The following MCC variants were observed in gnomAD, a reference collection of about 807,000 sequenced individuals.
MCC encodes the protein MCC regulator of Wnt signaling pathway.
In MCC, 90 loss-of-function variants were observed where a neutral mutation model predicts 116.2. That is an observed-to-expected ratio of 0.77 (90% CI 0.65 to 0.92). MCC has a LOEUF of 0.92. Among genes scored for constraint, MCC ranks in the 40% least tolerant of loss-of-function variants. MCC has a pLI of 0.00. For missense variants in MCC, 1,516 were observed against 1,312.2 expected (o/e 1.16, Z -2.40); for synonymous variants, 578 against 510.5 (o/e 1.13, Z -1.78).
At chr5:113,286,769 T>C (rs887029004) in intron 3 of MCC, among the ~76,000 whole-genome samples, 3 of 152,240 alleles carry the variant, frequency 2.0e-5, no homozygotes, top group Non-Finnish European at 4.4e-5. Flanking sequence ...AGGTTTAAGG[T>C]CTTTGCTGAA....
chr5:113,169,305 A>C lies in MCC; in HGVS notation c.628-17883T>G, dbSNP rs185170413. 3.8e-4 allele frequency among the ~76,000 whole-genome samples: 58 copies of C among 152,210 alleles called. 1 individual carries two copies. The highest frequency in any genetic ancestry group is 6.3e-4 in the Non-Finnish European group (43 of 68,004). ...GAAACCCAGAAGGAGAAAGGAAAAT[A>C]ATAATAAGCAAATTAACATTATAGG... On this transcript the variant is annotated intron_variant, in intron 3 of 18. Coordinates refer to ENST00000408903, the MANE Select transcript of MCC (RefSeq NM_001085377.2).
chr5:113,425,835 C>G (rs919349717), intron 1 of MCC, among the ~76,000 whole-genome samples: 2 of 151,848 alleles, frequency 1.3e-5, no homozygotes, highest in African/African-American at 4.8e-5. Flanking sequence ...CCATGTATAA[C>G]CTCGTTCACC....
At chr5:113,288,433 T>G (rs1766346359) in intron 3 of MCC, among the ~76,000 whole-genome samples, 1 of 150,532 alleles carries the variant, frequency 6.6e-6, no homozygotes, top group Non-Finnish European at 1.5e-5. Flanking sequence ...TTCCTTGCAG[T>G]GAAAAAAAAT....
chr5:113,446,401 A>C (rs1175707464), intron 1 of MCC, among the ~76,000 whole-genome samples: 1 of 143,484 alleles, frequency 7.0e-6, no homozygotes, highest in African/African-American at 2.4e-5. Context: ...ATCAACAAGC[A>C]AAAAATATAT....
At chr5:113,312,575 A>G (rs1301928455) in intron 3 of MCC, among the ~76,000 whole-genome samples, 2 of 152,202 alleles carry the variant, frequency 1.3e-5, no homozygotes, top group Non-Finnish European at 2.9e-5. Context: ...TAAAGAAGAG[A>G]ATGCAAAGAA....
chr5:113,184,624 A>G (rs1761806818), intron 3 of MCC, among the ~76,000 whole-genome samples: 1 of 151,914 alleles, frequency 6.6e-6, no homozygotes, highest in Non-Finnish European at 1.5e-5. Flanking sequence ...AACCACGCCC[A>G]GCTTATAGCA....
intron 3 of MCC, among the ~76,000 whole-genome samples, chr5:113,227,020 G>A (rs1189076351): frequency 6.6e-6 from 1 of 152,216 alleles, no homozygotes; most frequent in Non-Finnish European, 1.5e-5. Context: ...ATAAGGCAAT[G>A]CAGTTATGAC....
intron 1 of MCC, chr5:113,433,981 C>G (rs376961614): frequency 1.1e-5 from 17 of 1,613,932 alleles, no homozygotes; most frequent in Non-Finnish European, 1.4e-5. Context: ...CTCTCCCCCT[C>G]CTTGTTGATG....
intron 6 of MCC, among the ~76,000 whole-genome samples, chr5:113,110,530 A>G (rs1197873752): frequency 6.6e-6 from 1 of 152,232 alleles, no homozygotes; most frequent in Non-Finnish European, 1.5e-5. Flanking sequence ...TTTCACACAT[A>G]TGTGGATTTC....
chr5:113,101,774 C>T lies in MCC; in HGVS notation c.1363G>A (p.Ala455Thr), dbSNP rs1302498716. The stretch of plus-strand genomic sequence containing the variant: ...AGCCGGTCCCGCTCTTCCCGGATGG[C>T]ATTCATGGTGGCCTTAGTCCGGTTC... ...ELNRTKATMN[A>T]IREERDRLRR... is the part of the protein sequence containing the mutation. The change falls in exon 8 of 19, where the codon GCC (alanine) becomes ACC (threonine). Residue 455 changes from alanine (A) to threonine (T), a missense_variant. By Grantham distance (58) the Ala-to-Thr change is moderately conservative (BLOSUM62 0). Transcript: ENST00000408903. 1 of 1,613,514 alleles carries T rather than the reference C, an allele frequency of 6.2e-7. No homozygotes were observed. Among genetic ancestry groups the T allele is most frequent in the Non-Finnish European group, 8.5e-7 (1 of 1,180,016 alleles).
At chr5:113,480,988 G>A (rs1046618513) in intron 1 of MCC, among the ~76,000 whole-genome samples, 6 of 152,026 alleles carry the variant, frequency 3.9e-5, no homozygotes, top group Admixed American at 1.3e-4. Flanking sequence ...TGTTGCTCAG[G>A]CTCGTCTTGA....
At chr5:113,349,366 T>C (rs1768212190) in intron 2 of MCC, among the ~76,000 whole-genome samples, 1 of 152,112 alleles carries the variant, frequency 6.6e-6, no homozygotes, top group Non-Finnish European at 1.5e-5. Context: ...GTGGGATTTA[T>C]CCTGTGGAAG....
chr5:113,315,346 AT>A lies in MCC; in HGVS notation c.627+25172del, dbSNP rs539521597. On this transcript the variant is annotated intron_variant, in intron 3 of 18. Transcript: ENST00000408903. ...AAATTGAATATTCTTTACGTACTAA[AT>A]ATAGTTATGTATCTAGTGGGTGCTC... 3.8e-3 allele frequency among the ~76,000 whole-genome samples: 585 copies of A among 152,278 alleles called. 5 individuals carry two copies. Among genetic ancestry groups the A allele is most frequent in the Non-Finnish European group, 6.2e-3 (425 of 68,024 alleles).
chr5:113,434,662 C>T lies in MCC; in HGVS notation c.171-49450G>A. Reference sequence around the variant, plus strand: ...TTTAACATGGCCAGAATCTCAATTTCCCGGGGAAGGAATTTCTCCAAGAAG... The same window carrying T: ...TTTAACATGGCCAGAATCTCAATTTTCCGGGGAAGGAATTTCTCCAAGAAG... On this transcript the variant is annotated intron_variant, in intron 1 of 18. Coordinates refer to ENST00000408903, the MANE Select transcript of MCC (RefSeq NM_001085377.2). The surrounding 1 kb of genome is among the most constrained non-coding windows in gnomAD (Gnocchi z 4.2). 3 of 1,613,950 alleles carry T rather than the reference C, an allele frequency of 1.9e-6. No homozygotes were observed. The highest frequency in any genetic ancestry group is 2.5e-6 in the Non-Finnish European group (3 of 1,179,898).
At chr5:113,364,926 G>C (rs573720750) in intron 2 of MCC, among the ~76,000 whole-genome samples, 3 of 152,284 alleles carry the variant, frequency 2.0e-5, no homozygotes, top group Admixed American at 1.3e-4. Context: ...GCAGGTCTCT[G>C]GGCATGGCCA....
intron 2 of MCC, among the ~76,000 whole-genome samples, chr5:113,341,277 G>A (rs1386622923): frequency 6.6e-6 from 1 of 151,496 alleles, no homozygotes; most frequent in African/African-American, 2.4e-5. Flanking sequence ...TCATCCAGGT[G>A]GGAGTGCAGT....
At position 113,444,983 on chromosome 5, in the gene MCC, G is replaced by A. The variant is rs1580384260; in HGVS notation, c.170+43262C>T. ...TATCCAAGGGCAGAGCTAGTAAAGG[G>A]CAGAACTGTATATTTAACAGACACA... is the stretch of plus-strand genomic sequence containing the variant. On this transcript the variant is annotated intron_variant, in intron 1 of 18. Transcript: ENST00000408903. 2.6e-5 allele frequency among the ~76,000 whole-genome samples: 4 copies of A among 152,178 alleles called. No individual in the cohort carries two copies. In the East Asian group the frequency reaches 7.7e-4, roughly 29 times the overall value.
At chr5:113,345,649 T>A (rs1405759103) in intron 2 of MCC, among the ~76,000 whole-genome samples, 1 of 152,218 alleles carries the variant, frequency 6.6e-6, no homozygotes, top group African/African-American at 2.4e-5. Context: ...TTCTTCCAGA[T>A]CTTATCCAAG....
intron 5 of MCC, among the ~76,000 whole-genome samples, chr5:113,133,581 A>T (rs1176679112): frequency 1.3e-5 from 2 of 152,292 alleles, no homozygotes; most frequent in East Asian, 3.9e-4. Context: ...GTGCTGCAAT[A>T]AACAAGAGAA....
Sources: allele counts gnomAD v4.1 joint callset (sites outside exome capture counted in the v4.1 genomes callset), GRCh38; gene constraint gnomAD v4.1.1; non-coding constraint Gnocchi (gnomAD v3.1); transcripts MANE v1.5; gene names NCBI Gene and HGNC (gene_info 2026-07-23, HGNC 2026-07-21).